Variants in PCNX2 observed in about 807,000 individuals in gnomAD.
The protein encoded by PCNX2 is pecanex 2.
Under a neutral mutation model 223.8 loss-of-function variants are expected in PCNX2, and 168 were observed. The observed-to-expected ratio is 0.75, with a 90% CI of 0.66 to 0.85. PCNX2 has a LOEUF of 0.85. Ranked by LOEUF, PCNX2 falls within the 40% of genes least tolerant of loss-of-function variation. PCNX2 has a pLI of 0.00. For missense variants in PCNX2, 2,507 were observed against 2,675.5 expected (o/e 0.94, Z 1.39); for synonymous variants, 1,006 against 1,052.6 (o/e 0.96, Z 0.86).
intron 10 of PCNX2, among the ~76,000 whole-genome samples, chr1:233,225,437 G>C (rs1052847549): frequency 8.5e-5 from 13 of 152,092 alleles, no homozygotes; most frequent in Non-Finnish European, 1.6e-4. Context: ...TAAGTAGTAG[G>C]GACCAGGTTT....
At chr1:233,182,153 T>G (rs1252979697) in intron 15 of PCNX2, among the ~76,000 whole-genome samples, 5 of 152,130 alleles carry the variant, frequency 3.3e-5, no homozygotes, top group Admixed American at 3.3e-4. Context: ...CAATACCTAC[T>G]CAATGGTTGT....
chr1:233,026,916 T>TA (rs1427196934), intron 25 of PCNX2, among the ~76,000 whole-genome samples: 1 of 152,192 alleles, frequency 6.6e-6, no homozygotes, highest in Non-Finnish European at 1.5e-5. Context: ...AAGCCCTGGC[T>TA]GGAGATTTAT....
At chr1:233,290,309 A>C (rs1661688932) in intron 1 of PCNX2, among the ~76,000 whole-genome samples, 1 of 152,224 alleles carries the variant, frequency 6.6e-6, no homozygotes, top group Non-Finnish European at 1.5e-5. Flanking sequence ...AGGAAGAAAC[A>C]GACCGATGTG....
At chr1:233,143,504 C>G (rs1677246289) in intron 19 of PCNX2, among the ~76,000 whole-genome samples, 1 of 152,222 alleles carries the variant, frequency 6.6e-6, no homozygotes, top group South Asian at 2.1e-4. Context: ...GAATTTGTTA[C>G]AAATGTAAAT....
At chr1:233,160,470 T>C in intron 18 of PCNX2, 37 bp from the exon 19 acceptor site, 1 of 1,596,922 alleles carries the variant, frequency 6.3e-7, no homozygotes, top group Middle Eastern at 1.7e-4. Context: ...TTACTTAGCC[T>C]AGAGGATGGG....
chr1:233,256,000 CA>C (rs1558396498), intron 5 of PCNX2, among the ~76,000 whole-genome samples: 2 of 152,176 alleles, frequency 1.3e-5, no homozygotes, highest in Non-Finnish European at 2.9e-5. Context: ...TCTCTTTCTT[CA>C]ATTAAAATCC....
chr1:233,043,095 T>A (rs1671700624), intron 25 of PCNX2, among the ~76,000 whole-genome samples: 1 of 152,200 alleles, frequency 6.6e-6, no homozygotes, highest in East Asian at 1.9e-4. Flanking sequence ...CTATTCTTGT[T>A]CCTTCACCTC....
chr1:233,057,254 T>C lies in PCNX2; in HGVS notation c.4113A>G (p.Ala1371=), dbSNP rs1284423958. The C allele has an allele frequency of 1.2e-6, 2 of 1,610,020 alleles. No individual in the cohort carries two copies. Among genetic ancestry groups the C allele is most frequent in the South Asian group, 2.2e-5 (2 of 90,448 alleles). ...TACCTGGATCTCTTTCAATTTGGACTGCCAGTCTTGTGTTGGAATTATCCA... is the reference window on the plus strand; with the variant it reads ...TACCTGGATCTCTTTCAATTTGGACCGCCAGTCTTGTGTTGGAATTATCCA... ...RRVDNSNTRL[A]VQIERDPGND... Residue 1371 remains alanine, a synonymous_variant, in exon 24 of 34, where the codon GCA becomes GCG. Coordinates refer to ENST00000258229, the MANE Select transcript of PCNX2 (RefSeq NM_014801.4).
intron 1 of PCNX2, among the ~76,000 whole-genome samples, chr1:233,286,708 G>A (rs1472347641): frequency 6.6e-6 from 1 of 152,066 alleles, no homozygotes; most frequent in East Asian, 1.9e-4. Flanking sequence ...TGAGGGTGTG[G>A]AAAGGCAGCT....
chr1:233,285,184 C>A (rs1189739406), intron 1 of PCNX2: 2 of 175,318 alleles, frequency 1.1e-5, no homozygotes, highest in African/African-American at 4.8e-5. Flanking sequence ...AAGACCCCGT[C>A]TCTACAAAAA....
intron 15 of PCNX2, chr1:233,181,229 ACT>A (rs1383806180): frequency 7.4e-6 from 1 of 135,660 alleles, no homozygotes; most frequent in African/African-American, 2.8e-5. Flanking sequence ...AGCTGGAGTC[ACT>A]CTCTATCACC....
intron 12 of PCNX2, among the ~76,000 whole-genome samples, chr1:233,209,186 G>A (rs1316454338): frequency 6.6e-6 from 1 of 152,176 alleles, no homozygotes; most frequent in Non-Finnish European, 1.5e-5. Flanking sequence ...TATACCTGCA[G>A]AGATTACATA....
intron 19 of PCNX2, among the ~76,000 whole-genome samples, chr1:233,151,879 G>A (rs1178359251): frequency 6.6e-6 from 1 of 152,174 alleles, no homozygotes; most frequent in Admixed American, 6.5e-5. Context: ...ACAGGCGTGA[G>A]CCACTGCGCC....
intron 25 of PCNX2, among the ~76,000 whole-genome samples, chr1:233,042,489 C>T (rs1671676035): frequency 1.3e-5 from 2 of 152,212 alleles, no homozygotes; most frequent in South Asian, 4.1e-4. Flanking sequence ...TCTGTGACAC[C>T]AGCCATGGCC....
chr1:232,992,086 G>A (rs184209904), intron 32 of PCNX2, among the ~76,000 whole-genome samples: 1 of 152,314 alleles, frequency 6.6e-6, no homozygotes, highest in African/African-American at 2.4e-5. Context: ...GCAAGAGAGA[G>A]GTTTTTCCTT....
intron 23 of PCNX2, among the ~76,000 whole-genome samples, chr1:233,067,601 G>C (rs1672673826): frequency 6.6e-6 from 1 of 151,726 alleles, no homozygotes; most frequent in African/African-American, 2.4e-5. Context: ...AACCTCCCAA[G>C]TAAGTGGGAC....
intron 4 of PCNX2, among the ~76,000 whole-genome samples, chr1:233,260,460 G>A (rs968757653): frequency 2.6e-5 from 4 of 152,118 alleles, no homozygotes; most frequent in African/African-American, 7.2e-5. Context: ...ATAAAGTAAC[G>A]TTGTTATGAA....
At chr1:233,158,704 T>C (rs1678278476) in intron 19 of PCNX2, among the ~76,000 whole-genome samples, 1 of 152,218 alleles carries the variant, frequency 6.6e-6, no homozygotes, top group Non-Finnish European at 1.5e-5. Context: ...GATATAGATA[T>C]GCAGTTAAAG....
At position 233,230,107 on chromosome 1, in the gene PCNX2, G is replaced by C. The variant is rs1291978708; in HGVS notation, c.2359-2736C>G. ...TGAAAACTGAAAACATAACAAGAGA[G>C]AGTTTCTACCTTACAGGGGTTTAGA... On this transcript the variant is annotated intron_variant, in intron 9 of 33. Transcript: ENST00000258229. Among the ~76,000 whole-genome samples the C allele has an allele frequency of 4.6e-5, 7 of 152,310 alleles. 1 individual carries two copies. The highest frequency in any genetic ancestry group is 1.0e-4 in the Non-Finnish European group (7 of 68,024).
Sources: allele counts gnomAD v4.1 joint callset (sites outside exome capture counted in the v4.1 genomes callset), GRCh38; gene constraint gnomAD v4.1.1; transcripts MANE v1.5; gene names NCBI Gene and HGNC (gene_info 2026-07-23, HGNC 2026-07-21).